DCUN1D2: variants seen among roughly 807,000 people sequenced by gnomAD.
DCUN1D2 encodes defective in cullin neddylation 1 domain containing 2, also known as DCN1-like protein 2.
Under a neutral mutation model 30.9 loss-of-function variants are expected in DCUN1D2, and 29 were observed. The observed-to-expected ratio is 0.94, with a 90% CI of 0.70 to 1.28. DCUN1D2 has a LOEUF of 1.28. Among genes scored for constraint, DCUN1D2 ranks in the 50% most tolerant of loss-of-function variants. The pLI, the probability that DCUN1D2 is intolerant of heterozygous loss-of-function variation, is 0.00. For missense variants in DCUN1D2, 325 were observed against 316.9 expected, an observed-to-expected ratio of 1.03 and a Z score of -0.19; for synonymous variants, 121 against 115.3, an observed-to-expected ratio of 1.05 and a Z score of -0.32.
At chr13:113,474,887 T>G (rs1169100437) in intron 3 of DCUN1D2, among the ~76,000 whole-genome samples, 1 of 152,230 alleles carries the variant, frequency 6.6e-6, no homozygotes, top group Non-Finnish European at 1.5e-5. Flanking sequence ...TTACAGCAAG[T>G]TAGATTTAAA....
chr13:113,481,611 C>CG (rs1337230572), intron 2 of DCUN1D2, among the ~76,000 whole-genome samples: 5 of 152,278 alleles, frequency 3.3e-5, no homozygotes, highest in African/African-American at 1.2e-4. Context: ...TGGCTGGGCA[C>CG]GGTGGCTCAC....
At chr13:113,462,961 C>T in intron 4 of DCUN1D2, 1 of 986,268 alleles carries the variant, frequency 1.0e-6, no homozygotes, top group Non-Finnish European at 1.3e-6. Context: ...AGTTTTGGTG[C>T]TAAAAACTTT....
At chr13:113,465,429 T>C (rs919644953) in intron 4 of DCUN1D2, among the ~76,000 whole-genome samples, 1 of 151,528 alleles carries the variant, frequency 6.6e-6, no homozygotes, top group Admixed American at 6.6e-5. Flanking sequence ...TTTAGAAAAG[T>C]GTGAGAAGCA....
intron 3 of DCUN1D2, among the ~76,000 whole-genome samples, chr13:113,480,027 T>G: frequency 6.6e-6 from 1 of 152,248 alleles, no homozygotes; most frequent in African/African-American, 2.4e-5. Context: ...TGTCATTATG[T>G]AGTGCATGAC....
At chr13:113,461,775 G>A (rs960076518) in intron 4 of DCUN1D2, among the ~76,000 whole-genome samples, 5 of 152,172 alleles carry the variant, frequency 3.3e-5, no homozygotes, top group Non-Finnish European at 5.9e-5. Context: ...ATTATTTCAC[G>A]ACTTCTATAT....
At chr13:113,470,835 A>G (rs1382327038) in intron 4 of DCUN1D2, among the ~76,000 whole-genome samples, 21 of 134,588 alleles carry the variant, frequency 1.6e-4, no homozygotes, top group Middle Eastern at 4.7e-3. Context: ...ACTCCACAGA[A>G]GACCCAACTC....
At chr13:113,466,435 CAG>C (rs753337329) in intron 4 of DCUN1D2, among the ~76,000 whole-genome samples, 1 of 152,190 alleles carries the variant, frequency 6.6e-6, no homozygotes, top group Non-Finnish European at 1.5e-5. Context: ...ATTTTACAAA[CAG>C]AGTCATTCTG....
At chr13:113,470,271 G>A (rs1054335294) in intron 4 of DCUN1D2, among the ~76,000 whole-genome samples, 1 of 152,190 alleles carries the variant, frequency 6.6e-6, no homozygotes, top group Non-Finnish European at 1.5e-5. Context: ...CATACTGCTA[G>A]GCGTGCAATA....
chr13:113,472,511 G>A (rs2044538340), intron 4 of DCUN1D2, among the ~76,000 whole-genome samples: 1 of 152,172 alleles, frequency 6.6e-6, no homozygotes, highest in Admixed American at 6.5e-5. Flanking sequence ...TACACCAACA[G>A]CACTCCATGA....
chr13:113,475,011 A>G (rs2044589515), intron 3 of DCUN1D2, among the ~76,000 whole-genome samples: 1 of 152,170 alleles, frequency 6.6e-6, no homozygotes. Flanking sequence ...AATCGACAAC[A>G]GTAAAACAAA....
At chr13:113,489,043 T>C in intron 1 of DCUN1D2, 1 of 883,432 alleles carries the variant, frequency 1.1e-6, no homozygotes, top group Non-Finnish European at 1.4e-6. Flanking sequence ...TACCCATATG[T>C]AAAATGGAAA....
At chr13:113,468,911 GT>G (rs2044455369) in intron 4 of DCUN1D2, 1 of 152,336 alleles carries the variant, frequency 6.6e-6, no homozygotes, top group African/African-American at 2.4e-5. Flanking sequence ...TCTGACAGAT[GT>G]GAGAACAGGA....
chr13:113,486,904 G>C (rs2044814181), intron 1 of DCUN1D2, among the ~76,000 whole-genome samples: 1 of 152,250 alleles, frequency 6.6e-6, no homozygotes, highest in South Asian at 2.1e-4. Flanking sequence ...AAAGCAGACA[G>C]CCGTAGGCTG....
chr13:113,473,457 T>G (rs1311231489), intron 4 of DCUN1D2, among the ~76,000 whole-genome samples: 1 of 151,994 alleles, frequency 6.6e-6, no homozygotes. Flanking sequence ...ACAAATGGAG[T>G]ACAGTATTTT....
chr13:113,475,689 C>T (rs972819351), intron 3 of DCUN1D2, among the ~76,000 whole-genome samples: 1 of 152,126 alleles, frequency 6.6e-6, no homozygotes, highest in Non-Finnish European at 1.5e-5. Context: ...GAGTTTGAGA[C>T]CAGTCTGGGC....
At chr13:113,458,931 A>C (rs1179533056) in intron 6 of DCUN1D2, among the ~76,000 whole-genome samples, 1 of 152,186 alleles carries the variant, frequency 6.6e-6, no homozygotes, top group Non-Finnish European at 1.5e-5. Flanking sequence ...ATGTGGAGAT[A>C]TATTTATGCA....
chr13:113,474,751 C>T (rs1233791729), intron 3 of DCUN1D2, among the ~76,000 whole-genome samples: 1 of 152,154 alleles, frequency 6.6e-6, no homozygotes, highest in Non-Finnish European at 1.5e-5. Context: ...GGAAAGACCG[C>T]ATTTCTCAGT....
intron 4 of DCUN1D2, among the ~76,000 whole-genome samples, chr13:113,465,703 G>GTTTTTTTTTT: frequency 6.9e-6 from 1 of 145,294 alleles, no homozygotes. Flanking sequence ...GTCTGGCTCT[G>GTTTTTTTTTT]TCGCCCAGGC....
chr13:113,458,107 T>C lies in DCUN1D2; in HGVS notation c.702A>G (p.Gly234=). ...AATCATCTATAAGAACGGGCCAAGC[T>C]CCTAAAGGAAAGCAAGCAAACAGAA... ...ADDMSNYDEE[G]AWPVLIDDFV... Residue 234 remains glycine, a splice_region_variant and synonymous_variant, in exon 7 of 7, where the codon GGA becomes GGG. Transcript: ENST00000478244. 1.9e-6 allele frequency: 3 copies of C among 1,614,052 alleles called. No individual in the cohort carries two copies. Among genetic ancestry groups the C allele is most frequent in the Non-Finnish European group, 2.5e-6 (3 of 1,179,944 alleles).
Sources: gnomAD v4.1 joint callset for allele counts (sites outside exome capture counted in the v4.1 genomes callset) on GRCh38, gnomAD v4.1.1 for gene constraint, MANE v1.5 for transcripts, NCBI Gene and HGNC (gene_info 2026-07-23, HGNC 2026-07-21) for gene names.